The following CLVS2 variants were observed in gnomAD, a reference collection of about 807,000 sequenced individuals.
CLVS2 encodes clavesin 2.
In CLVS2, 19 loss-of-function variants were observed where a neutral mutation model predicts 29.0. The ratio of observed to expected loss-of-function variants is 0.66; its 90% CI spans 0.46 to 0.96. The LOEUF is 0.96. Among genes scored for constraint, CLVS2 ranks in the 40% least tolerant of loss-of-function variants. The pLI is 0.00. For missense variants in CLVS2, 294 were observed against 404.1 expected (o/e 0.73, Z 2.34); for synonymous variants, 161 against 151.3 (o/e 1.06, Z -0.47).
chr6:123,005,244 A>G (rs563721403), intron 2 of CLVS2, among the ~76,000 whole-genome samples: 1 of 152,262 alleles, frequency 6.6e-6, no homozygotes, highest in South Asian at 2.1e-4. Context: ...CCAGATAGAC[A>G]TATTATTATT....
At chr6:123,033,809 C>A (rs1433060878) in intron 3 of CLVS2, among the ~76,000 whole-genome samples, 1 of 151,852 alleles carries the variant, frequency 6.6e-6, no homozygotes, top group East Asian at 1.9e-4. Flanking sequence ...ATTTGCAAAC[C>A]ACATATCTGA....
chr6:123,035,841 A>G (rs1385902320), intron 3 of CLVS2, among the ~76,000 whole-genome samples: 1 of 152,162 alleles, frequency 6.6e-6, no homozygotes, highest in Non-Finnish European at 1.5e-5. Flanking sequence ...ATACACAACA[A>G]CTGTTGGAAA....
At chr6:123,034,119 TA>T (rs1317723145) in intron 3 of CLVS2, among the ~76,000 whole-genome samples, 1 of 152,122 alleles carries the variant, frequency 6.6e-6, no homozygotes, top group African/African-American at 2.4e-5. Flanking sequence ...GGTAGGAATA[TA>T]AAATGGTACA....
At chr6:123,022,318 A>G (rs1343346088) in intron 3 of CLVS2, among the ~76,000 whole-genome samples, 2 of 151,972 alleles carry the variant, frequency 1.3e-5, no homozygotes, top group African/African-American at 4.8e-5. Flanking sequence ...AAAATTCACC[A>G]TAGTTTGTAC....
intron 3 of CLVS2, among the ~76,000 whole-genome samples, chr6:123,037,990 C>G (rs1775177833): frequency 6.6e-6 from 1 of 152,186 alleles, no homozygotes; most frequent in South Asian, 2.1e-4. Flanking sequence ...CAGGCACTAT[C>G]CAGGTAGGCT....
rs1772874246 is a variant in CLVS2, at chr6:123,067,064, T to G, written c.*3303T>G. The G allele has an allele frequency of 6.6e-6, 1 of 151,756 alleles. No homozygotes were observed. Among genetic ancestry groups the G allele is most frequent in the Admixed American group, 6.6e-5 (1 of 15,168 alleles). The allele number at this position is 151,756 out of a possible 1,614,324, so 9.4% of individuals were successfully genotyped here. ...GTTTGCATAAGTGTAGACAGAGATA[T>G]TTCCTAAGTTTTTTCATATAGAATA... On this transcript the variant is annotated 3_prime_UTR_variant, in exon 6 of 6. Coordinates refer to ENST00000275162, the MANE Select transcript of CLVS2 (RefSeq NM_001010852.4).
chr6:123,003,862 A>G (rs764618575), intron 2 of CLVS2, among the ~76,000 whole-genome samples: 1 of 152,168 alleles, frequency 6.6e-6, no homozygotes, highest in Non-Finnish European at 1.5e-5. Flanking sequence ...GTTCCATTTT[A>G]TTCATTATTC....
chr6:123,024,640 G>A (rs1774973982), intron 3 of CLVS2, among the ~76,000 whole-genome samples: 1 of 152,104 alleles, frequency 6.6e-6, no homozygotes, highest in Non-Finnish European at 1.5e-5. Context: ...GCATTTGAAA[G>A]ATTCAGGATA....
At chr6:123,020,010 C>A (rs1395564068) in intron 3 of CLVS2, among the ~76,000 whole-genome samples, 2 of 152,012 alleles carry the variant, frequency 1.3e-5, no homozygotes, top group African/African-American at 4.8e-5. Context: ...TTGGATGAAG[C>A]CTCTCCCCAC....
chr6:122,999,060 A>C (rs1241577683), intron 2 of CLVS2, among the ~76,000 whole-genome samples: 1 of 152,244 alleles, frequency 6.6e-6, no homozygotes, highest in Non-Finnish European at 1.5e-5. Context: ...GCTCTTGTGC[A>C]AGGTAGTTTC....
chr6:123,047,077 T>C (rs1772525111), intron 3 of CLVS2, among the ~76,000 whole-genome samples: 1 of 152,038 alleles, frequency 6.6e-6, no homozygotes. Flanking sequence ...CTCATTCCTA[T>C]AGGTGCTACA....
intron 3 of CLVS2, among the ~76,000 whole-genome samples, chr6:123,036,720 C>A (rs1324617185): frequency 6.6e-6 from 1 of 152,178 alleles, no homozygotes; most frequent in Non-Finnish European, 1.5e-5. Context: ...TGCTGAGCCC[C>A]AGTCTTGCTG....
At chr6:123,031,440 A>T (rs963095303) in intron 3 of CLVS2, among the ~76,000 whole-genome samples, 1 of 152,220 alleles carries the variant, frequency 6.6e-6, no homozygotes, top group Non-Finnish European at 1.5e-5. Context: ...GGTCTCATGT[A>T]CAGCATGGGG....
intron 2 of CLVS2, among the ~76,000 whole-genome samples, chr6:123,006,224 T>G (rs1274045029): frequency 1.3e-5 from 2 of 152,150 alleles, no homozygotes; most frequent in Non-Finnish European, 2.9e-5. Context: ...TTCCCCTAGA[T>G]TTAAGTGAAC....
chr6:123,059,385 C>T (rs1055153788), intron 5 of CLVS2, among the ~76,000 whole-genome samples: 2 of 152,126 alleles, frequency 1.3e-5, no homozygotes, highest in Admixed American at 1.3e-4. Flanking sequence ...TTCAAGGAGA[C>T]CATATTGTCT....
At chr6:123,058,182 C>T (rs917632065) in intron 5 of CLVS2, among the ~76,000 whole-genome samples, 1 of 151,960 alleles carries the variant, frequency 6.6e-6, no homozygotes, top group South Asian at 2.1e-4. Context: ...TCACAACAAC[C>T]GTGTTAAACA....
intron 3 of CLVS2, among the ~76,000 whole-genome samples, chr6:123,039,639 T>G (rs1260843241): frequency 2.6e-5 from 4 of 152,174 alleles, no homozygotes; most frequent in Non-Finnish European, 5.9e-5. Flanking sequence ...GCCCTGTGTC[T>G]TCCTGTTGAG....
At position 123,066,260 on chromosome 6, in the gene CLVS2, T is replaced by C. The variant is rs978116910; in HGVS notation, c.*2499T>C. 1 of 151,784 alleles carries C rather than the reference T, an allele frequency of 6.6e-6. No homozygotes were observed. The highest frequency in any genetic ancestry group is 2.4e-5 in the African/African-American group (1 of 41,406). 9.4% of individuals were successfully genotyped at this position (151,784 alleles called of 1,614,324 possible). A position where few individuals can be genotyped will look rare whatever the true frequency, so the allele number is the denominator to read the frequency against. Reference sequence around the variant, plus strand: ...GATATTCTGTGTCACATCCTATGTCTATGAATAACCTATACACTATAGTTG... The same window carrying C: ...GATATTCTGTGTCACATCCTATGTCCATGAATAACCTATACACTATAGTTG... On this transcript the variant is annotated 3_prime_UTR_variant, in exon 6 of 6. Coordinates refer to ENST00000275162, the MANE Select transcript of CLVS2 (RefSeq NM_001010852.4).
At chr6:123,042,097 T>A (rs1216342370) in intron 3 of CLVS2, among the ~76,000 whole-genome samples, 1 of 152,168 alleles carries the variant, frequency 6.6e-6, no homozygotes, top group East Asian at 1.9e-4. Context: ...TGAGACACTA[T>A]TTTTAAGGAA....
Sources: gnomAD v4.1 joint callset for allele counts (sites outside exome capture counted in the v4.1 genomes callset) on GRCh38, gnomAD v4.1.1 for gene constraint, MANE v1.5 for transcripts, NCBI Gene and HGNC (gene_info 2026-07-23, HGNC 2026-07-21) for gene names.